MYO1B: variants seen among roughly 807,000 people sequenced by gnomAD.
MYO1B encodes the protein myosin IB, also known as unconventional myosin-Ib.
Under a neutral mutation model 159.7 loss-of-function variants are expected in MYO1B, and 72 were observed. The observed-to-expected ratio is 0.45, with a 90% confidence interval of 0.37 to 0.55. The LOEUF is 0.55. Among genes scored for constraint, MYO1B ranks in the 20% least tolerant of loss-of-function variants. The pLI is 0.00. For missense variants in MYO1B, 1,062 were observed against 1,364.8 expected, an observed-to-expected ratio of 0.78 and a Z score of 3.50; for synonymous variants, 468 against 473.8, an observed-to-expected ratio of 0.99 and a Z score of 0.16.
At chr2:191,318,577 G>C (rs1690501282) in intron 3 of MYO1B, among the ~76,000 whole-genome samples, 1 of 152,178 alleles carries the variant, frequency 6.6e-6, no homozygotes, top group Non-Finnish European at 1.5e-5. Flanking sequence ...TGGGAGGATT[G>C]TCTCTAGTCT....
At chr2:191,341,402 C>T (rs1392144411) in intron 4 of MYO1B, 59 bp from the exon 5 acceptor site, 3 of 1,461,306 alleles carry the variant, frequency 2.1e-6, no homozygotes, top group Admixed American at 1.8e-5. Context: ...TTCCTCCTCC[C>T]CAAAAAGATT....
intron 7 of MYO1B, among the ~76,000 whole-genome samples, chr2:191,358,292 C>T (rs1348952890): frequency 1.3e-5 from 2 of 152,136 alleles, no homozygotes. Context: ...ATGAAAAGCA[C>T]TGAACGCATA....
At chr2:191,377,002 C>T (rs1023197096) in intron 13 of MYO1B, among the ~76,000 whole-genome samples, 6 of 152,084 alleles carry the variant, frequency 3.9e-5, no homozygotes, top group South Asian at 4.2e-4. Flanking sequence ...TATGAATCGA[C>T]TGGGAATAAG....
intron 2 of MYO1B, among the ~76,000 whole-genome samples, chr2:191,281,905 G>C (rs760327686): frequency 6.6e-6 from 1 of 152,166 alleles, no homozygotes; most frequent in African/African-American, 2.4e-5. Flanking sequence ...ACTAATTGTA[G>C]TTGTAGGAGT....
At position 191,416,165 on chromosome 2, in the gene MYO1B, G is replaced by C. The variant is rs757284048; in HGVS notation, c.3210G>C (p.Leu1070=). ...ACTTTCTCTTCAGCAGTGATCACCT[G>C]ATTGAAATGGCCACCAAGCTCTATC... The part of the protein sequence containing the change: ...KGDFLFSSDH[L]IEMATKLYRT... The change falls in exon 30 of 31, where the codon CTG becomes CTC. Residue 1070 remains leucine (L), a synonymous_variant. Transcript: ENST00000392318. 3.6e-5 allele frequency: 58 copies of C among 1,613,998 alleles called. No individual in the cohort carries two copies. The highest frequency in any genetic ancestry group is 4.9e-5 in the Non-Finnish European group (58 of 1,180,020).
In MYO1B at chr2:191,296,562, T is replaced by C. The variant is rs73981549; in HGVS notation, c.251+336T>C. ...TATTATAAAGAGCCTAAGCAGCTTT[T>C]TCATAGTGTTGTTGGGCCAAGAAAA... is the stretch of plus-strand genomic sequence containing the variant. On this transcript the variant is annotated intron_variant, in intron 3 of 30. Transcript: ENST00000392318. Among the ~76,000 whole-genome samples, 417 of 152,320 alleles carry C rather than the reference T, an allele frequency of 2.7e-3. 3 individuals carry two copies. The highest frequency in any genetic ancestry group is 9.7e-3 in the African/African-American group (402 of 41,572).
chr2:191,268,667 G>T (rs757002595), intron 1 of MYO1B, among the ~76,000 whole-genome samples: 4 of 152,206 alleles, frequency 2.6e-5, no homozygotes, highest in Non-Finnish European at 4.4e-5. Context: ...CTGTCACCAT[G>T]CTTCATTCTT....
intron 24 of MYO1B, among the ~76,000 whole-genome samples, chr2:191,405,800 G>GAGC (rs1383388694): frequency 1.3e-5 from 2 of 152,222 alleles, no homozygotes; most frequent in East Asian, 3.8e-4. Flanking sequence ...TCCATTTATG[G>GAGC]AGCACACAGG....
chr2:191,272,012 C>T (rs777947086), intron 1 of MYO1B, among the ~76,000 whole-genome samples: 12 of 152,174 alleles, frequency 7.9e-5, no homozygotes, highest in Non-Finnish European at 1.8e-4. Flanking sequence ...GTTTATGCTG[C>T]ATTCTCTTGG....
chr2:191,329,678 TA>T (rs953903464), intron 3 of MYO1B, among the ~76,000 whole-genome samples: 16 of 148,762 alleles, frequency 1.1e-4, no homozygotes, highest in South Asian at 2.1e-4. Flanking sequence ...AAATATTATA[TA>T]AAAAATAAAG....
At chr2:191,350,630 T>C (rs1420589581) in intron 7 of MYO1B, among the ~76,000 whole-genome samples, 1 of 152,078 alleles carries the variant, frequency 6.6e-6, no homozygotes, top group African/African-American at 2.4e-5. Context: ...TTTGAAGTAA[T>C]ATTTATTCAA....
chr2:191,387,571 A>G, intron 17 of MYO1B, 121 bp downstream of exon 17: 1 of 831,612 alleles, frequency 1.2e-6, no homozygotes, highest in East Asian at 2.6e-5. Context: ...ATACTTACAG[A>G]TTAAATAATA....
At position 191,265,693 on chromosome 2, in the gene MYO1B, T is replaced by A. The variant is rs191373198; in HGVS notation, c.-9-11194T>A. On this transcript the variant is annotated intron_variant, in intron 1 of 30. Transcript: ENST00000392318. ...AAACACATTGACTTCTTGGAATTTT[T>A]AAAATCTGCCTCGAAGGAACGCATT... 9.5e-4 allele frequency among the ~76,000 whole-genome samples: 144 copies of A among 152,316 alleles called. 1 individual carries two copies. In the Middle Eastern group the frequency reaches 0.034, roughly 36 times the overall value.
At chr2:191,314,628 C>T (rs966881373) in intron 3 of MYO1B, among the ~76,000 whole-genome samples, 2 of 152,120 alleles carry the variant, frequency 1.3e-5, no homozygotes, top group African/African-American at 4.8e-5. Flanking sequence ...TCAACTCTTC[C>T]CAGATGGGTG....
At chr2:191,281,712 A>G (rs947626167) in intron 2 of MYO1B, among the ~76,000 whole-genome samples, 23 of 152,310 alleles carry the variant, frequency 1.5e-4, no homozygotes, top group African/African-American at 5.3e-4. Context: ...GAAAGCTACA[A>G]TTTAGGCAAG....
At chr2:191,380,239 C>T (rs186262718) in intron 13 of MYO1B, among the ~76,000 whole-genome samples, 69 of 152,236 alleles carry the variant, frequency 4.5e-4, no homozygotes, top group Admixed American at 2.2e-3. Context: ...TAAGTAAGAC[C>T]AAAGTTGATT....
chr2:191,414,280 G>T, intron 28 of MYO1B, 100 bp downstream of exon 28: 1 of 1,426,024 alleles, frequency 7.0e-7, no homozygotes, highest in Non-Finnish European at 9.4e-7. Flanking sequence ...GTTCTCAGTA[G>T]AGTTAACTAT....
intron 3 of MYO1B, among the ~76,000 whole-genome samples, chr2:191,325,032 A>G (rs570808889): frequency 2.0e-5 from 3 of 152,324 alleles, no homozygotes; most frequent in East Asian, 3.9e-4. Flanking sequence ...CACACCATAC[A>G]TAATTCCCTT....
intron 13 of MYO1B, chr2:191,381,187 A>C (rs554285158): frequency 2.3e-6 from 1 of 444,346 alleles, no homozygotes; most frequent in Non-Finnish European, 4.2e-6. Flanking sequence ...GATTGTTTCT[A>C]GCTTTTCTGT....
Sources: allele counts gnomAD v4.1 joint callset (sites outside exome capture counted in the v4.1 genomes callset), GRCh38; gene constraint gnomAD v4.1.1; transcripts MANE v1.5; gene names NCBI Gene and HGNC (gene_info 2026-07-23, HGNC 2026-07-21).